The following SLC4A8 variants were observed in gnomAD, a reference collection of about 807,000 sequenced individuals.
SLC4A8 encodes the protein solute carrier family 4 member 8.
A neutral mutation model predicts 125.0 loss-of-function variants in SLC4A8; 40 were observed. The observed-to-expected ratio is 0.32, with a 90% CI of 0.25 to 0.42. The LOEUF is 0.42. SLC4A8 is among the 10% of genes least tolerant of loss of function. The pLI, the probability that SLC4A8 is intolerant of heterozygous loss-of-function variation, is 1.00. For missense variants in SLC4A8, 863 were observed against 1,355.1 expected, an observed-to-expected ratio of 0.64 and a Z score of 5.70; for synonymous variants, 456 against 476.0, an observed-to-expected ratio of 0.96 and a Z score of 0.55.
intron 1 of SLC4A8, among the ~76,000 whole-genome samples, chr12:51,436,734 C>T (rs1364111267): frequency 6.6e-6 from 1 of 152,180 alleles, no homozygotes; most frequent in East Asian, 1.9e-4. Flanking sequence ...TCAAGTGATT[C>T]TCCTGCCTCA....
At chr12:51,456,357 C>A (rs1181004761) in intron 5 of SLC4A8, among the ~76,000 whole-genome samples, 2 of 152,058 alleles carry the variant, frequency 1.3e-5, no homozygotes, top group African/African-American at 2.4e-5. Context: ...TCATTTATTT[C>A]TTCTAGTACT....
At chr12:51,429,663 C>T (rs566116557) in intron 1 of SLC4A8, among the ~76,000 whole-genome samples, 47 of 151,944 alleles carry the variant, frequency 3.1e-4, no homozygotes, top group African/African-American at 1.1e-3. Context: ...CCACTATGTC[C>T]AGCTATTTTT....
chr12:51,418,641 C>T (rs958000931), intron 1 of SLC4A8, among the ~76,000 whole-genome samples: 6 of 152,022 alleles, frequency 3.9e-5, no homozygotes, highest in African/African-American at 1.2e-4. Context: ...GGGGGCCGGC[C>T]CTTTCAATTT....
In SLC4A8 at chr12:51,412,030, C is replaced by A. The variant is rs116713390; in HGVS notation, c.-112+20542C>A. Among the ~76,000 whole-genome samples the A allele has an allele frequency of 8.7e-3, 1,320 of 152,250 alleles. 17 individuals carry two copies. The highest frequency in any genetic ancestry group is 0.03 in the African/African-American group (1,251 of 41,530). ...TGAGCTGTGATGGTGCCACTATACT[C>A]CAGCCTGAGTGACAGGGTGAGATCC... On this transcript the variant is annotated intron_variant, in intron 1 of 24. Transcript: ENST00000358657.
chr12:51,412,441 C>T (rs1445169698), intron 1 of SLC4A8, among the ~76,000 whole-genome samples: 1 of 152,046 alleles, frequency 6.6e-6, no homozygotes, highest in Non-Finnish European at 1.5e-5. Flanking sequence ...GGAAATATTT[C>T]AAATCTTCTC....
At chr12:51,488,585 T>C in intron 17 of SLC4A8, 114 bp from the exon 18 acceptor site, 1 of 796,726 alleles carries the variant, frequency 1.3e-6, no homozygotes. Context: ...TTTTTTTTTT[T>C]TTAAGAACCT....
intron 3 of SLC4A8, among the ~76,000 whole-genome samples, chr12:51,451,748 A>G (rs929977817): frequency 1.3e-5 from 2 of 151,902 alleles, no homozygotes; most frequent in African/African-American, 4.8e-5. Flanking sequence ...TAAGGTGGCT[A>G]CTATAAAACC....
intron 1 of SLC4A8, among the ~76,000 whole-genome samples, chr12:51,392,570 T>TGA (rs1948148993): frequency 1.5e-4 from 2 of 13,174 alleles, no homozygotes; most frequent in South Asian, 4.5e-3. Context: ...AGATTCCGTA[T>TGA]CAAAAAAAAA....
intron 4 of SLC4A8, 50 bp downstream of exon 4, chr12:51,452,309 T>C: frequency 6.2e-7 from 1 of 1,602,824 alleles, no homozygotes; most frequent in South Asian, 1.1e-5. Flanking sequence ...TAGGCAAGTG[T>C]GTACCCTTCA....
rs966333205 is a variant in SLC4A8, at chr12:51,514,702, T to C, written c.*7264T>C. 1 of 152,250 alleles carries C rather than the reference T, an allele frequency of 6.6e-6. No individual in the cohort carries two copies. The highest frequency in any genetic ancestry group is 1.5e-5 in the Non-Finnish European group (1 of 68,038). 9.4% of individuals were successfully genotyped at this position (152,250 alleles called of 1,614,324 possible). On this transcript the variant is annotated 3_prime_UTR_variant, in exon 25 of 25. Coordinates refer to ENST00000453097, the MANE Select transcript of SLC4A8 (RefSeq NM_001039960.3). ...GATTTTCTACTAAGCCTATCCTTTG[T>C]GATTCTTGGTTCCCTTGGTCTCTTA...
At chr12:51,419,786 G>T (rs928208891) in intron 1 of SLC4A8, among the ~76,000 whole-genome samples, 1 of 152,206 alleles carries the variant, frequency 6.6e-6, no homozygotes, top group Non-Finnish European at 1.5e-5. Context: ...CTTGAATTCT[G>T]CCCCAGAGCC....
At chr12:51,419,593 G>A (rs1293834718) in intron 1 of SLC4A8, among the ~76,000 whole-genome samples, 2 of 152,164 alleles carry the variant, frequency 1.3e-5, no homozygotes, top group African/African-American at 4.8e-5. Context: ...TCTGAATCTG[G>A]AAGTCCTACA....
chr12:51,403,341 A>G (rs1362901948), intron 1 of SLC4A8: 1 of 427,456 alleles, frequency 2.3e-6, no homozygotes, highest in Non-Finnish European at 4.9e-6. Context: ...TTACTTACTC[A>G]TTTCCAGAGT....
intron 1 of SLC4A8, among the ~76,000 whole-genome samples, chr12:51,412,482 G>A (rs1180704845): frequency 1.3e-5 from 2 of 152,006 alleles, no homozygotes; most frequent in African/African-American, 4.8e-5. Flanking sequence ...ACAATAAATT[G>A]TTGTTAACTG....
intron 1 of SLC4A8, among the ~76,000 whole-genome samples, chr12:51,438,208 A>G (rs1402831053): frequency 6.6e-6 from 1 of 152,198 alleles, no homozygotes; most frequent in Non-Finnish European, 1.5e-5. Context: ...CTACTATAGT[A>G]TAGAACACTA....
chr12:51,487,794 C>G (rs1024155112), intron 17 of SLC4A8, among the ~76,000 whole-genome samples: 9 of 152,236 alleles, frequency 5.9e-5, no homozygotes, highest in African/African-American at 2.2e-4. Context: ...CCCTGTTTCA[C>G]TATTGATGGG....
intron 19 of SLC4A8, among the ~76,000 whole-genome samples, chr12:51,493,299 G>C (rs189013266): frequency 1.3e-4 from 20 of 152,134 alleles, no homozygotes; most frequent in African/African-American, 4.6e-4. Context: ...TTTGGTTCAC[G>C]TTAAAATACA....
At chr12:51,436,571 A>T (rs1949423352) in intron 1 of SLC4A8, among the ~76,000 whole-genome samples, 1 of 152,238 alleles carries the variant, frequency 6.6e-6, no homozygotes, top group East Asian at 1.9e-4. Context: ...GTAACTATTT[A>T]AAAAAATCTT....
intron 10 of SLC4A8, 35 bp downstream of exon 10, chr12:51,462,491 C>T: frequency 6.6e-7 from 1 of 1,511,820 alleles, no homozygotes; most frequent in Non-Finnish European, 8.9e-7. Flanking sequence ...TGGCTATTGT[C>T]ACTTACTGAC....
Sources: gnomAD v4.1 joint callset for allele counts (sites outside exome capture counted in the v4.1 genomes callset) on GRCh38, gnomAD v4.1.1 for gene constraint, MANE v1.5 for transcripts, NCBI Gene and HGNC (gene_info 2026-07-23, HGNC 2026-07-21) for gene names.